FOXP2: variants seen among roughly 807,000 people sequenced by gnomAD.
FOXP2 encodes forkhead box P2.
Under a neutral mutation model 115.8 loss-of-function variants are expected in FOXP2, and 12 were observed. The ratio of observed to expected loss-of-function variants is 0.10; its 90% confidence interval spans 0.07 to 0.17. The LOEUF (loss-of-function observed/expected upper bound fraction) is 0.17. Ranked by LOEUF, FOXP2 falls within the 10% of genes least tolerant of loss-of-function variation. The pLI, the probability that FOXP2 is intolerant of heterozygous loss-of-function variation, is 1.00. For synonymous variants in FOXP2, 328 were observed against 297.7 expected (o/e 1.10, Z -1.05); for missense variants, 629 against 843.5 (o/e 0.75, Z 3.15).
intron 3 of FOXP2, among the ~76,000 whole-genome samples, chr7:114,623,681 GA>G (rs1459652188): frequency 6.6e-6 from 1 of 151,870 alleles, no homozygotes; most frequent in East Asian, 1.9e-4. Flanking sequence ...GTAACTAAGA[GA>G]AGGACAAAGT....
chr7:114,367,261 G>A (rs919034233), intron 2 of FOXP2, among the ~76,000 whole-genome samples: 1 of 152,060 alleles, frequency 6.6e-6, no homozygotes, highest in East Asian at 1.9e-4. Flanking sequence ...ACTGGAGATG[G>A]CAGTCCCCTT....
chr7:114,501,586 T>C (rs2129252734), intron 2 of FOXP2, among the ~76,000 whole-genome samples: 1 of 152,214 alleles, frequency 6.6e-6, no homozygotes, highest in Non-Finnish European at 1.5e-5. Flanking sequence ...ATAAAGTGTA[T>C]CATGAAAAGG....
chr7:114,384,660 C>CA (rs767635229), intron 2 of FOXP2, among the ~76,000 whole-genome samples: 1 of 152,022 alleles, frequency 6.6e-6, no homozygotes, highest in Non-Finnish European at 1.5e-5. Context: ...AGGGAATTAT[C>CA]AGTGGTTGGA....
chr7:114,537,689 G>A (rs1203165532), intron 3 of FOXP2, among the ~76,000 whole-genome samples: 1 of 151,614 alleles, frequency 6.6e-6, no homozygotes, highest in Non-Finnish European at 1.5e-5. Context: ...ATGGAAAGAA[G>A]AAAACATCAC....
At chr7:114,186,808 A>G (rs528374926) in intron 1 of FOXP2, among the ~76,000 whole-genome samples, 1 of 152,162 alleles carries the variant, frequency 6.6e-6, no homozygotes, top group Non-Finnish European at 1.5e-5. Context: ...CCATGTGGAC[A>G]CTGCCAAGGT....
intron 2 of FOXP2, among the ~76,000 whole-genome samples, chr7:114,329,971 G>A (rs1797660832): frequency 6.6e-6 from 1 of 152,132 alleles, no homozygotes; most frequent in African/African-American, 2.4e-5. Flanking sequence ...CACTGCCACA[G>A]CCAATTACTT....
intron 2 of FOXP2, among the ~76,000 whole-genome samples, chr7:114,501,263 C>T (rs1346976833): frequency 6.6e-6 from 1 of 152,006 alleles, no homozygotes; most frequent in African/African-American, 2.4e-5. Context: ...TTACGCCAAG[C>T]CTGTATATTC....
chr7:114,176,179 TTCTTGTCTTGTCTTGTCTTG>T lies in FOXP2; in HGVS notation c.-102+13126_-102+13145del, dbSNP rs67055887. ...GATCCACACAGGTTTGATTTCTCTT[TTCTTGTCTTGTCTTGTCTTG>T]TCTTGTCTTGTCTTGTCTTGTCTTG... On this transcript the variant is annotated intron_variant, in intron 1 of 17. Transcript: ENST00000634411. Among the ~76,000 whole-genome samples, 483 of 145,246 alleles carry T rather than the reference TTCTTGTCTTGTCTTGTCTTG, an allele frequency of 3.3e-3. 4 individuals carry two copies. Among genetic ancestry groups the T allele is most frequent in the African/African-American group, 0.012 (443 of 37,954 alleles).
intron 1 of FOXP2, among the ~76,000 whole-genome samples, chr7:114,188,205 G>A (rs1407361924): frequency 2.6e-5 from 4 of 152,138 alleles, no homozygotes; most frequent in Non-Finnish European, 4.4e-5. Flanking sequence ...ACTCCTCAAT[G>A]TGAAAGTCTT....
intron 1 of FOXP2, among the ~76,000 whole-genome samples, chr7:114,133,184 G>A (rs780928161): frequency 2.0e-5 from 3 of 152,182 alleles, no homozygotes; most frequent in Non-Finnish European, 4.4e-5. Context: ...GAGACAAAAC[G>A]AGGAGGTAAG....
chr7:114,530,385 C>T (rs1246590706), intron 2 of FOXP2, among the ~76,000 whole-genome samples: 1 of 151,838 alleles, frequency 6.6e-6, no homozygotes, highest in Non-Finnish European at 1.5e-5. Context: ...GCTGTTTATA[C>T]ATTGAAGATA....
intron 2 of FOXP2, among the ~76,000 whole-genome samples, chr7:114,329,823 C>T (rs190434644): frequency 2.0e-5 from 3 of 151,854 alleles, no homozygotes; most frequent in East Asian, 2.0e-4. Context: ...ATTACAGGCA[C>T]GTGCCACCAT....
At chr7:114,430,075 C>A (rs1794036039) in intron 2 of FOXP2, among the ~76,000 whole-genome samples, 1 of 151,586 alleles carries the variant, frequency 6.6e-6, no homozygotes, top group African/African-American at 2.4e-5. Flanking sequence ...TCTTCTGTTT[C>A]TCTGTCCTTA....
At chr7:114,254,509 T>C (rs1359638012) in intron 1 of FOXP2, among the ~76,000 whole-genome samples, 1 of 152,224 alleles carries the variant, frequency 6.6e-6, no homozygotes, top group African/African-American at 2.4e-5. Context: ...CTCTTTTTTC[T>C]CTAAACTTCT....
chr7:114,573,178 A>G (rs1392769918), intron 3 of FOXP2, among the ~76,000 whole-genome samples: 4 of 151,756 alleles, frequency 2.6e-5, no homozygotes, highest in African/African-American at 9.7e-5. Flanking sequence ...TGACTTTACA[A>G]ATGGGGCTTC....
intron 1 of FOXP2, among the ~76,000 whole-genome samples, chr7:114,216,296 A>T (rs971380818): frequency 2.0e-5 from 3 of 152,146 alleles, no homozygotes; most frequent in Admixed American, 2.0e-4. Flanking sequence ...CCAATCAATT[A>T]TACTATGAAT....
intron 2 of FOXP2, among the ~76,000 whole-genome samples, chr7:114,406,826 C>T (rs948364261): frequency 6.6e-6 from 1 of 151,958 alleles, no homozygotes. Flanking sequence ...CCCTCTCTCC[C>T]TAGCCTAAGT....
At chr7:114,314,512 G>A (rs951142754) in intron 2 of FOXP2, among the ~76,000 whole-genome samples, 2 of 151,910 alleles carry the variant, frequency 1.3e-5, no homozygotes, top group East Asian at 3.9e-4. Flanking sequence ...TAGTTCAATT[G>A]GATGAAAAAG....
intron 7 of FOXP2, among the ~76,000 whole-genome samples, chr7:114,644,092 T>G (rs893964694): frequency 7.2e-5 from 11 of 152,156 alleles, no homozygotes; most frequent in Non-Finnish European, 1.6e-4. Flanking sequence ...GATTGTGTAT[T>G]CCAAAACTTG....
Sources: gnomAD v4.1 joint callset for allele counts (sites outside exome capture counted in the v4.1 genomes callset) on GRCh38, gnomAD v4.1.1 for gene constraint, MANE v1.5 for transcripts, NCBI Gene and HGNC (gene_info 2026-07-23, HGNC 2026-07-21) for gene names.